The following GNA12 variants were observed in gnomAD, a reference collection of about 807,000 sequenced individuals.
The protein encoded by GNA12 is guanine nucleotide-binding protein subunit alpha-12.
In GNA12, 9 loss-of-function variants were observed where a neutral mutation model predicts 26.0. The ratio of observed to expected loss-of-function variants is 0.35; its 90% confidence interval spans 0.21 to 0.60. GNA12 has a LOEUF of 0.60. GNA12 is among the 20% of genes least tolerant of loss of function. The pLI is 0.78. For synonymous variants in GNA12, 264 were observed against 219.6 expected, an observed-to-expected ratio of 1.20 and a Z score of -1.79; for missense variants, 405 against 525.8, an observed-to-expected ratio of 0.77 and a Z score of 2.25.
chr7:2,737,449 C>A (rs186358043), intron 2 of GNA12, among the ~76,000 whole-genome samples: 1 of 151,894 alleles, frequency 6.6e-6, no homozygotes, highest in Admixed American at 6.6e-5. Flanking sequence ...CTACCACACC[C>A]GGCTAACTTT....
intron 1 of GNA12, among the ~76,000 whole-genome samples, chr7:2,825,223 G>C (rs1793456935): frequency 6.6e-6 from 1 of 152,188 alleles, no homozygotes; most frequent in African/African-American, 2.4e-5. Context: ...GGAATCCTGG[G>C]GCGTGGGAGG....
intron 1 of GNA12, among the ~76,000 whole-genome samples, chr7:2,824,623 G>A (rs757054325): frequency 3.2e-4 from 48 of 152,108 alleles, no homozygotes; most frequent in Non-Finnish European, 6.0e-4. Context: ...GATGTATCCC[G>A]GGCACTTGAT....
At chr7:2,742,774 T>C (rs1416903798) in intron 2 of GNA12, among the ~76,000 whole-genome samples, 1 of 152,252 alleles carries the variant, frequency 6.6e-6, no homozygotes, top group Non-Finnish European at 1.5e-5. Context: ...TTCTCAGGTA[T>C]GTAATCTTTT....
intron 1 of GNA12, among the ~76,000 whole-genome samples, chr7:2,812,923 A>G (rs1001881503): frequency 1.3e-5 from 2 of 152,110 alleles, no homozygotes; most frequent in Non-Finnish European, 2.9e-5. Flanking sequence ...GAATCCAGTG[A>G]CCTTTACTTT....
chr7:2,828,095 T>C (rs1793525476), intron 1 of GNA12, among the ~76,000 whole-genome samples: 1 of 152,188 alleles, frequency 6.6e-6, no homozygotes, highest in South Asian at 2.1e-4. Flanking sequence ...ATGCCGAAGA[T>C]GTTGTGGTCT....
chr7:2,810,751 G>GT (rs1275126251), intron 1 of GNA12, among the ~76,000 whole-genome samples: 1 of 152,080 alleles, frequency 6.6e-6, no homozygotes, highest in African/African-American at 2.4e-5. Flanking sequence ...AATTAGGTGG[G>GT]TATGAGCATG....
intron 1 of GNA12, among the ~76,000 whole-genome samples, chr7:2,810,600 A>C (rs1793057627): frequency 6.6e-6 from 1 of 152,242 alleles, no homozygotes; most frequent in Non-Finnish European, 1.5e-5. Context: ...GGTCACTGGC[A>C]AGATAATGAG....
intron 1 of GNA12, among the ~76,000 whole-genome samples, chr7:2,820,448 C>A (rs1259386968): frequency 6.9e-6 from 1 of 145,430 alleles, no homozygotes; most frequent in Non-Finnish European, 1.5e-5. Flanking sequence ...GTGGCTCATG[C>A]CTGTAATCCC....
intron 1 of GNA12, among the ~76,000 whole-genome samples, chr7:2,828,429 C>T (rs1006317525): frequency 6.6e-6 from 1 of 152,226 alleles, no homozygotes; most frequent in Non-Finnish European, 1.5e-5. Flanking sequence ...TCCTAGCTTA[C>T]TGTAATCTTG....
At chr7:2,843,807 C>A in intron 1 of GNA12, 46 bp downstream of exon 1, 3 of 1,187,620 alleles carry the variant, frequency 2.5e-6, no homozygotes, top group Non-Finnish European at 2.3e-6. Flanking sequence ...GGGGTTAGCG[C>A]CCCGGCCCAC....
intron 1 of GNA12, among the ~76,000 whole-genome samples, chr7:2,833,193 A>G (rs1778729603): frequency 6.6e-6 from 1 of 152,236 alleles, no homozygotes; most frequent in African/African-American, 2.4e-5. Context: ...ACGGCATGAA[A>G]TGAGCCGGCC....
At chr7:2,835,073 T>C (rs528007842) in intron 1 of GNA12, among the ~76,000 whole-genome samples, 12 of 152,344 alleles carry the variant, frequency 7.9e-5, no homozygotes, top group Non-Finnish European at 1.0e-4. Flanking sequence ...TTAGGACTTC[T>C]AGTCTATATA....
intron 1 of GNA12, among the ~76,000 whole-genome samples, chr7:2,817,740 A>G (rs1456359524): frequency 1.3e-5 from 2 of 152,238 alleles, no homozygotes; most frequent in Non-Finnish European, 2.9e-5. Flanking sequence ...TTCTGGTCTA[A>G]GCAGTTTGGT....
At chr7:2,815,100 AG>A in intron 1 of GNA12, 1 of 1,135,392 alleles carries the variant, frequency 8.8e-7, no homozygotes, top group South Asian at 1.6e-5. Context: ...CAGACAGACA[AG>A]GCCTTGCCCG....
At chr7:2,751,449 T>A (rs572887936) in intron 2 of GNA12, among the ~76,000 whole-genome samples, 1 of 148,554 alleles carries the variant, frequency 6.7e-6, no homozygotes, top group East Asian at 1.9e-4. Context: ...CAAAAATCAC[T>A]GACCAAAGGT....
At chr7:2,780,381 T>C (rs1792197746) in intron 2 of GNA12, among the ~76,000 whole-genome samples, 2 of 152,090 alleles carry the variant, frequency 1.3e-5, no homozygotes, top group South Asian at 2.1e-4. Flanking sequence ...AAATTATTAT[T>C]GTAAATTATA....
chr7:2,788,437 T>C (rs972170219), intron 2 of GNA12, among the ~76,000 whole-genome samples: 3 of 152,208 alleles, frequency 2.0e-5, no homozygotes, highest in African/African-American at 7.2e-5. Context: ...CTGGCTCATA[T>C]GCAGCTGAGG....
At chr7:2,801,695 A>T (rs1792813613) in intron 1 of GNA12, among the ~76,000 whole-genome samples, 1 of 152,152 alleles carries the variant, frequency 6.6e-6, no homozygotes, top group African/African-American at 2.4e-5. Context: ...CCTTTGAAGG[A>T]AAAAAGGCAT....
chr7:2,811,394 A>C (rs75837632), intron 1 of GNA12, among the ~76,000 whole-genome samples: 1,700 of 152,340 alleles, frequency 0.011, 19 homozygotes, highest in Non-Finnish European at 0.02. Flanking sequence ...CCAGAACTCT[A>C]GTTTCCCAGC....
Sources: allele counts gnomAD v4.1 joint callset (sites outside exome capture counted in the v4.1 genomes callset), GRCh38; gene constraint gnomAD v4.1.1; transcripts MANE v1.5; gene names NCBI Gene and HGNC (gene_info 2026-07-23, HGNC 2026-07-21).